MXRA7: variants seen among roughly 807,000 people sequenced by gnomAD.
The protein encoded by MXRA7 is matrix remodeling associated 7.
MXRA7 carries 18 observed loss-of-function variants against 17.4 expected under a neutral mutation model. The observed-to-expected ratio is 1.03, with a 90% CI of 0.71 to 1.53. MXRA7 has a LOEUF of 1.53. Ranked by LOEUF, MXRA7 falls within the 40% of genes most tolerant of loss-of-function variation. MXRA7 has a pLI of 0.00. For missense variants in MXRA7, 141 were observed against 209.3 expected (o/e 0.67, Z 2.01); for synonymous variants, 70 against 101.7 (o/e 0.69, Z 1.87).
chr17:76,700,598 C>G (rs1477272002), intron 1 of MXRA7, among the ~76,000 whole-genome samples: 1 of 152,214 alleles, frequency 6.6e-6, no homozygotes, highest in East Asian at 1.9e-4. Flanking sequence ...ACAGCGATTT[C>G]TGTTCTTTCT....
At chr17:76,682,843 G>A (rs547203022) in intron 3 of MXRA7, among the ~76,000 whole-genome samples, 3 of 152,292 alleles carry the variant, frequency 2.0e-5, no homozygotes, top group East Asian at 1.9e-4. Context: ...CAGAGGAGTC[G>A]AGGAGTCTTC....
At chr17:76,686,406 G>C (rs1238926186) in intron 2 of MXRA7, among the ~76,000 whole-genome samples, 1 of 152,148 alleles carries the variant, frequency 6.6e-6, no homozygotes, top group East Asian at 1.9e-4. Flanking sequence ...CTTGAACCCG[G>C]GAGGCAGAGG....
At chr17:76,679,429 A>G (rs767880574), downstream of MXRA7, 5 of 185,636 alleles carry the variant, frequency 2.7e-5, no homozygotes, top group Non-Finnish European at 4.1e-5. Flanking sequence ...TGGTGACTGC[A>G]TATTTTTTAA....
intron 1 of MXRA7, among the ~76,000 whole-genome samples, chr17:76,708,447 G>A (rs558403840): frequency 1.3e-5 from 2 of 152,304 alleles, no homozygotes; most frequent in Admixed American, 6.5e-5. Context: ...AGAGGGCATA[G>A]CCCCACTTCC....
chr17:76,678,054 C>A (rs1017346617), downstream of MXRA7, among the ~76,000 whole-genome samples: 2 of 152,108 alleles, frequency 1.3e-5, no homozygotes, highest in African/African-American at 4.8e-5. Flanking sequence ...AGAAGATAGG[C>A]TCCATGAAGC....
intron 1 of MXRA7, chr17:76,688,756 G>A: frequency 9.4e-7 from 1 of 1,063,782 alleles, no homozygotes; most frequent in Non-Finnish European, 1.2e-6. Context: ...GAAGGAAGAA[G>A]TGACTTCAGC....
intron 1 of MXRA7, among the ~76,000 whole-genome samples, chr17:76,700,427 G>C (rs1320513437): frequency 7.6e-6 from 1 of 132,286 alleles, no homozygotes; most frequent in Non-Finnish European, 1.8e-5. Flanking sequence ...TTACAGAGCA[G>C]TCTTCCTCTC....
downstream of MXRA7, among the ~76,000 whole-genome samples, chr17:76,678,307 T>C (rs1214140312): frequency 6.6e-6 from 1 of 152,146 alleles, no homozygotes; most frequent in African/African-American, 2.4e-5. Flanking sequence ...CCCTGCCCCT[T>C]TTATCAAGGG....
At chr17:76,693,792 G>T (rs2076503425) in intron 1 of MXRA7, among the ~76,000 whole-genome samples, 1 of 151,572 alleles carries the variant, frequency 6.6e-6, no homozygotes, top group African/African-American at 2.4e-5. Context: ...AGTGAGCCGA[G>T]ATCACACCAC....
chr17:76,693,752 G>C (rs2076502878), intron 1 of MXRA7, among the ~76,000 whole-genome samples: 1 of 151,924 alleles, frequency 6.6e-6, no homozygotes. Context: ...GAGGTGGGAG[G>C]ATCACTTGAG....
intron 1 of MXRA7, among the ~76,000 whole-genome samples, chr17:76,698,883 C>T (rs895985724): frequency 5.9e-5 from 9 of 152,058 alleles, no homozygotes; most frequent in South Asian, 2.1e-4. Flanking sequence ...CCAGCATCCC[C>T]GGCTAATTTT....
chr17:76,688,200 T>C (rs773497631), intron 1 of MXRA7, 24 bp from the exon 2 acceptor site: 1 of 1,613,954 alleles, frequency 6.2e-7, no homozygotes, highest in Non-Finnish European at 8.5e-7. Context: ...ACAGGGTCAG[T>C]GCCCTTGGCA....
In MXRA7 at chr17:76,706,325, GGACCACGCTGCCA is replaced by G. The variant is rs1567990961; in HGVS notation, c.342+4267_342+4279del. 5.0e-4 allele frequency among the ~76,000 whole-genome samples: 47 copies of G among 94,196 alleles called. 7 individuals carry two copies. Among genetic ancestry groups the G allele is most frequent in the South Asian group, 1.5e-3 (4 of 2,708 alleles). 61.8% of individuals were successfully genotyped at this position (94,196 alleles called of 152,430 possible). A position where few individuals can be genotyped will look rare whatever the true frequency, so the allele number is the denominator to read the frequency against. On this transcript the variant is annotated intron_variant, in intron 1 of 3. Transcript: ENST00000449428. ...CAGAGGCCCACGCTGCCATCACAAA[GGACCACGCTGCCA>G]TCACAGAGGCCCACTCTGCCATCAC... is the stretch of plus-strand genomic sequence containing the variant.
At chr17:76,688,534 G>C in intron 1 of MXRA7, 1 of 1,281,928 alleles carries the variant, frequency 7.8e-7, no homozygotes, top group East Asian at 3.1e-5. Flanking sequence ...GGGTGCAAGA[G>C]GAAAGCTGGC....
At chr17:76,704,781 C>CA (rs34446989) in intron 1 of MXRA7, among the ~76,000 whole-genome samples, 54,489 of 92,612 alleles carry the variant, frequency 0.59, 15,001 homozygotes, top group Middle Eastern at 0.69. Flanking sequence ...AACTCCGTCT[C>CA]AAAAAAAAAA....
intron 1 of MXRA7, among the ~76,000 whole-genome samples, chr17:76,690,434 G>C (rs2076468318): frequency 6.6e-6 from 1 of 151,950 alleles, no homozygotes; most frequent in Admixed American, 6.6e-5. Flanking sequence ...AAGAGGCCAG[G>C]TGTGGTGGCT....
chr17:76,692,014 T>C (rs1050740778), intron 1 of MXRA7, among the ~76,000 whole-genome samples: 1 of 152,122 alleles, frequency 6.6e-6, no homozygotes. Flanking sequence ...CAGTATCAGC[T>C]GACGTGCCCA....
At chr17:76,697,415 A>G (rs1265887170) in intron 1 of MXRA7, among the ~76,000 whole-genome samples, 1 of 152,224 alleles carries the variant, frequency 6.6e-6, no homozygotes, top group African/African-American at 2.4e-5. Context: ...GTGTTTTGTT[A>G]TAGCAGCCCT....
At chr17:76,684,590 G>A in intron 3 of MXRA7, 1 of 364,278 alleles carries the variant, frequency 2.7e-6, no homozygotes, top group Non-Finnish European at 5.4e-6. Flanking sequence ...AGCCATAGCT[G>A]CACTGCCCGG....
Sources: allele counts gnomAD v4.1 joint callset (sites outside exome capture counted in the v4.1 genomes callset), GRCh38; gene constraint gnomAD v4.1.1; transcripts MANE v1.5; gene names NCBI Gene and HGNC (gene_info 2026-07-23, HGNC 2026-07-21).